The following SALL1 variants were observed in gnomAD, a reference collection of about 807,000 sequenced individuals.
The protein encoded by SALL1 is spalt like transcription factor 1.
Under a neutral mutation model 73.1 loss-of-function variants are expected in SALL1, and 10 were observed. The ratio of observed to expected loss-of-function variants is 0.14; its 90% CI spans 0.08 to 0.23. The LOEUF (loss-of-function observed/expected upper bound fraction) is 0.23. SALL1 is among the 10% of genes least tolerant of loss of function. The probability of loss-of-function intolerance (pLI) is 1.00; values close to 1 mark genes in which losing one functional copy is unlikely to be tolerated. For synonymous variants in SALL1, 688 were observed against 689.8 expected, an observed-to-expected ratio of 1.00 and a Z score of 0.04; for missense variants, 1,520 against 1,697.3, an observed-to-expected ratio of 0.90 and a Z score of 1.84.
intron 1 of SALL1, chr16:51,150,542 A>G: frequency 1.0e-6 from 1 of 986,066 alleles, no homozygotes; most frequent in African/African-American, 1.7e-5. Flanking sequence ...CCAGCGGGTC[A>G]GGCGCTGGCG....
rs1555475414 is a variant in SALL1 at position 51,141,732 on chromosome 16, T to TGCCGCC, written c.484_489dup (p.Gly162_Gly163dup). ...ATCGCTGAGGTACCTGTGGAGGAGCTGCCGCCGCCGCCGCTGCTGCTGCTG... is the reference window on the plus strand; with the variant it reads ...ATCGCTGAGGTACCTGTGGAGGAGCTGCCGCCGCCGCCGCCGCCGCTGCTGCTGCTG... On this transcript the variant is annotated inframe_insertion, in exon 2 of 3. Coordinates refer to ENST00000251020, the MANE Select transcript of SALL1 (RefSeq NM_002968.3). This position sits in a 1 kb window ranked among gnomAD's most constrained non-coding sequence, Gnocchi z 5.4. 4.3e-5 allele frequency: 69 copies of TGCCGCC among 1,610,726 alleles called. No individual in the cohort carries two copies. The East Asian group carries it at 4.9e-4, about 11-fold the overall frequency.
At chr16:51,148,808 C>T (rs1177835223) in intron 1 of SALL1, among the ~76,000 whole-genome samples, 1 of 152,126 alleles carries the variant, frequency 6.6e-6, no homozygotes, top group Admixed American at 6.5e-5. Context: ...ACAAAATCTA[C>T]CCTCTAGGCA....
At chr16:51,150,067 G>C (rs1246861849) in intron 1 of SALL1, among the ~76,000 whole-genome samples, 1 of 152,232 alleles carries the variant, frequency 6.6e-6, no homozygotes, top group Non-Finnish European at 1.5e-5. Flanking sequence ...AGGCCTGGGA[G>C]CTTTGAGGCC....
At position 51,140,103 on chromosome 16, in the gene SALL1, C is replaced by T. The variant is rs765495376; in HGVS notation, c.2119G>A (p.Glu707Lys). ...AGAACCCGGTGGCAGATGATGCACT[C>T]ATTGGGGTCAGTGGCCTTCTTGTCA... is the stretch of plus-strand genomic sequence containing the variant. ...NIDKKATDPNECIICHRVLSC... is the reference protein window; with the variant it reads ...NIDKKATDPNKCIICHRVLSC... The change falls in exon 2 of 3, where the codon GAG (glutamate) becomes AAG (lysine). Residue 707 changes from glutamate to lysine, a missense_variant. Around this residue, in one of 7 missense-constraint regions of SALL1, gnomAD observed 77 missense variants for 117.2 expected, o/e 0.66. Transcript: ENST00000251020. This position sits in a 1 kb window ranked among gnomAD's most constrained non-coding sequence, Gnocchi z 5.7. 6.2e-7 allele frequency: 1 copy of T among 1,614,172 alleles called. No individual in the cohort carries two copies. The highest frequency in any genetic ancestry group is 8.5e-7 in the Non-Finnish European group (1 of 1,180,032).
At chr16:51,138,317 C>T (rs1250971585) in intron 2 of SALL1, among the ~76,000 whole-genome samples, 2 of 152,126 alleles carry the variant, frequency 1.3e-5, no homozygotes, top group Non-Finnish European at 2.9e-5. Flanking sequence ...ATACGGGCAG[C>T]ACACAGGCCA....
In SALL1 at chr16:51,140,896, G is replaced by A. The variant is rs143605364; in HGVS notation, c.1326C>T (p.Ser442=). The A allele has an allele frequency of 4.8e-5, 77 of 1,614,188 alleles. No individual in the cohort carries two copies. Among genetic ancestry groups the A allele is most frequent in the Middle Eastern group, 1.7e-4 (1 of 6,060 alleles). The change falls in exon 2 of 3, where the codon TCC becomes TCT. Residue 442 remains serine (S), a synonymous_variant. Coordinates refer to ENST00000251020, the MANE Select transcript of SALL1 (RefSeq NM_002968.3). This position sits in a 1 kb window ranked among gnomAD's most constrained non-coding sequence, Gnocchi z 5.7. The stretch of plus-strand genomic sequence containing the variant: ...ACTTGTGTTTGAAGAATGCCTCATC[G>A]GAAGTACTTTTCGCTTCAAAGGCAG... ...NVTAFEAKST[S]DEAFFKHKCR...
intron 1 of SALL1, among the ~76,000 whole-genome samples, chr16:51,147,198 A>G (rs1962530107): frequency 6.6e-6 from 1 of 152,266 alleles, no homozygotes; most frequent in Non-Finnish European, 1.5e-5. Flanking sequence ...TCTAGGGGAA[A>G]TGTGATGTAA....
upstream of SALL1, among the ~76,000 whole-genome samples, chr16:51,151,747 C>G (rs1011251978): frequency 1.3e-5 from 2 of 151,694 alleles, no homozygotes; most frequent in African/African-American, 4.8e-5. Context: ...CTCCTTCGCC[C>G]CCCCCCACAA....
At chr16:51,143,400 C>G (rs1422316392) in intron 1 of SALL1, 3 of 322,102 alleles carry the variant, frequency 9.3e-6, no homozygotes, top group Non-Finnish European at 1.8e-5. Flanking sequence ...GTGTGGTCAT[C>G]TACGAAGGCT....
At position 51,138,764 on chromosome 16, in the gene SALL1, T is replaced by C; in HGVS notation, c.3458A>G (p.Glu1153Gly). The change falls in exon 2 of 3, where the codon GAG becomes GGG. Residue 1153 changes from glutamate to glycine, a missense_variant. Around this residue, in one of 7 missense-constraint regions of SALL1, gnomAD observed 318 missense variants for 357.1 expected, o/e 0.89. Transcript: ENST00000251020. ...GGGTTTCTCTCCAGTGTGAGTTCTC[T>C]CGTGAATCTGCAGGGCACTCGATGA... Reference protein sequence around the residue: ...FSSSSALQIHERTHTGEKPFA... With the variant: ...FSSSSALQIHGRTHTGEKPFA... 6.2e-7 allele frequency: 1 copy of C among 1,614,200 alleles called. No individual in the cohort carries two copies. The highest frequency in any genetic ancestry group is 8.5e-7 in the Non-Finnish European group (1 of 1,180,022).
At chr16:51,148,459 A>G (rs560536488) in intron 1 of SALL1, among the ~76,000 whole-genome samples, 3 of 152,282 alleles carry the variant, frequency 2.0e-5, no homozygotes, top group Non-Finnish European at 2.9e-5. Flanking sequence ...ATCTCAAGAC[A>G]TAAGAAAAAG....
rs766260843 is a variant in SALL1 at position 51,140,607 on chromosome 16, T to G, written c.1615A>C (p.Thr539Pro). The G allele has an allele frequency of 6.2e-7, 1 of 1,614,026 alleles. No individual in the cohort carries two copies. The highest frequency in any genetic ancestry group is 8.5e-7 in the Non-Finnish European group (1 of 1,179,926). The change falls in exon 2 of 3, where the codon ACC becomes CCC. Residue 539 changes from threonine (T) to proline (P), a missense_variant. Physicochemically the swap from Thr to Pro is conservative, Grantham distance 38. Around this residue, in one of 7 missense-constraint regions of SALL1, gnomAD observed 276 missense variants for 259.1 expected, o/e 1.07. Transcript: ENST00000251020. The surrounding 1 kb of genome is among the most constrained non-coding windows in gnomAD (Gnocchi z 5.7). ...GMSIPPEKPVTSWLDTKPVLP... is the reference protein window; with the variant it reads ...GMSIPPEKPVPSWLDTKPVLP... ...ACTGGTTTGGTGTCTAGCCAGCTGGTGACTGGCTTCTCTGGAGGGATGGAC... is the reference window on the plus strand; with the variant it reads ...ACTGGTTTGGTGTCTAGCCAGCTGGGGACTGGCTTCTCTGGAGGGATGGAC...
chr16:51,139,670 A>G lies in SALL1; in HGVS notation c.2552T>C (p.Leu851Ser). Residue 851 changes from leucine to serine, a missense_variant, in exon 2 of 3, where the codon TTA (leucine) becomes TCA (serine). Coordinates refer to ENST00000251020, the MANE Select transcript of SALL1 (RefSeq NM_002968.3). ...CTCGAGGGGCAAAGGCGAAGAGGATAAGCTGTCTTGGGAGGCGTCTGCAGA... is the reference window on the plus strand; with the variant it reads ...CTCGAGGGGCAAAGGCGAAGAGGATGAGCTGTCTTGGGAGGCGTCTGCAGA... ...PKSADASQDS[L>S]SSSPLPLEMS... The G allele has an allele frequency of 3.1e-6, 5 of 1,614,208 alleles. No homozygotes were observed. Among genetic ancestry groups the G allele is most frequent in the Non-Finnish European group, 3.4e-6 (4 of 1,180,028 alleles).
intron 1 of SALL1, chr16:51,143,055 G>A (rs1231683927): frequency 6.4e-6 from 1 of 155,450 alleles, no homozygotes; most frequent in Non-Finnish European, 1.4e-5. Context: ...ACTTCAAGAA[G>A]GATGTGCAGT....
At chr16:51,145,238 ACACACG>A (rs995626874) in intron 1 of SALL1, among the ~76,000 whole-genome samples, 6 of 149,124 alleles carry the variant, frequency 4.0e-5, no homozygotes, top group African/African-American at 1.5e-4. Flanking sequence ...ACACACACAC[ACACACG>A]TACACACGAA....
At position 51,151,128 on chromosome 16, in the gene SALL1, C is replaced by A. The variant is rs368875417; in HGVS notation, c.76+38G>T. The A allele has an allele frequency of 1.0e-3, 1,522 of 1,484,620 alleles. 4 individuals carry two copies. The highest frequency in any genetic ancestry group is 1.4e-3 in the Middle Eastern group (6 of 4,240). The allele number at this position is 1,484,620 out of a possible 1,614,324, so 92.0% of individuals were successfully genotyped here. On this transcript the variant is annotated intron_variant, in intron 1 of 2. Transcript: ENST00000251020. ...GTCCGAGTGTGCGTGAGTGTGAGTG[C>A]GTGTGTGTGTGTCCACGGCGCGGGC...
In SALL1 at chr16:51,136,032, T is replaced by C. The variant is rs964500434; in HGVS notation, c.*1080A>G. 1.3e-4 allele frequency: 20 copies of C among 152,672 alleles called. No individual in the cohort carries two copies. Among genetic ancestry groups the C allele is most frequent in the Non-Finnish European group, 1.5e-5 (1 of 68,050 alleles). 9.5% of individuals were successfully genotyped at this position (152,672 alleles called of 1,614,324 possible). A position where few individuals can be genotyped will look rare whatever the true frequency, so the allele number is the denominator to read the frequency against. ...ATGTATTTGATTACTTGAGTAAAAT[T>C]ACAGTATCTCTGTTGTTAGTAAGTA... On this transcript the variant is annotated 3_prime_UTR_variant, in exon 3 of 3. Transcript: ENST00000251020.
At chr16:51,151,395 C>T (rs1207957802), upstream of SALL1, 1 of 261,258 alleles carries the variant, frequency 3.8e-6, no homozygotes, top group South Asian at 1.5e-4. Flanking sequence ...GCGCAGCGCG[C>T]ATGTGTCCTG....
rs1358229245 is a variant in SALL1, at chr16:51,141,464, T to C, written c.758A>G (p.Gln253Arg). 2 of 1,614,076 alleles carry C rather than the reference T, an allele frequency of 1.2e-6. No homozygotes were observed. The highest frequency in any genetic ancestry group is 1.7e-6 in the Non-Finnish European group (2 of 1,180,054). ...ATTCTGAGAAGCCAACAGCAATATT[T>C]GGTGACGAATCTGTTCGATCAATTG... ...QLQLIEQIRH[Q>R]ILLLASQNAD... is the part of the protein sequence containing the mutation. The change falls in exon 2 of 3, where the codon CAA becomes CGA. Residue 253 changes from glutamine (Q) to arginine (R), a missense_variant. This residue lies in a region of SALL1 where 540 missense variants were observed against 567.5 expected (regional missense o/e 0.95). Transcript: ENST00000251020. The surrounding 1 kb of genome is among the most constrained non-coding windows in gnomAD (Gnocchi z 5.4).
Sources: gnomAD v4.1 joint callset for allele counts (sites outside exome capture counted in the v4.1 genomes callset) on GRCh38, gnomAD v4.1.1 for gene constraint, gnomAD v4.1.1 regional missense constraint, Gnocchi (gnomAD v3.1) non-coding constraint, MANE v1.5 for transcripts, NCBI Gene and HGNC (gene_info 2026-07-23, HGNC 2026-07-21) for gene names.